SCAF11: variants seen among roughly 807,000 people sequenced by gnomAD.
SCAF11 encodes the protein SR-related CTD associated factor 11.
Under a neutral mutation model 140.5 loss-of-function variants are expected in SCAF11, and 47 were observed. The observed-to-expected ratio is 0.33, with a 90% CI of 0.26 to 0.43. The LOEUF is 0.43. Among genes scored for constraint, SCAF11 ranks in the 20% least tolerant of loss-of-function variants. The pLI is 1.00. For synonymous variants in SCAF11, 557 were observed against 579.4 expected, an observed-to-expected ratio of 0.96 and a Z score of 0.55; for missense variants, 1,645 against 1,705.1, an observed-to-expected ratio of 0.96 and a Z score of 0.62.
At chr12:45,922,646 CAAGA>C (rs1944742620) in intron 13 of SCAF11, 64 bp from the exon 14 acceptor site, 1 of 1,470,204 alleles carries the variant, frequency 6.8e-7, no homozygotes, top group African/African-American at 1.4e-5. Context: ...AAATCCCAAA[CAAGA>C]AATTGAAAAT....
intron 1 of SCAF11, chr12:45,974,481 A>G (rs189985030): frequency 7.3e-6 from 2 of 272,246 alleles, no homozygotes; most frequent in East Asian, 8.4e-5. Context: ...AAACTCTGCC[A>G]CTGTGTTATC....
intron 11 of SCAF11, among the ~76,000 whole-genome samples, chr12:45,925,428 G>A (rs1472264469): frequency 2.0e-5 from 3 of 152,028 alleles, no homozygotes; most frequent in African/African-American, 4.8e-5. Context: ...GGTGGTGAGC[G>A]CCTGTAATCC....
chr12:45,928,538 T>G lies in SCAF11; in HGVS notation c.1163A>C (p.Lys388Thr). The change falls in exon 11 of 15, where the codon AAG (lysine) becomes ACG (threonine). Residue 388 changes from lysine (K) to threonine (T), a missense_variant. Transcript: ENST00000369367. ...RRGRKPPLLK[K>T]KLRSSVAAPE... is the part of the protein sequence containing the mutation. ...GGCAGCTACAGAGCTCCGAAGTTTC[T>G]TTTTCAGTAAAGGTGGTTTTCTTCC... is the stretch of plus-strand genomic sequence containing the variant. 1.2e-6 allele frequency: 2 copies of G among 1,614,106 alleles called. No homozygotes were observed. The highest frequency in any genetic ancestry group is 1.7e-6 in the Non-Finnish European group (2 of 1,179,998).
Position 45,924,971 on chromosome 12 carries a change from T to C in SCAF11, c.3663A>G (p.Ala1221=). Residue 1221 remains alanine, a synonymous_variant, in exon 12 of 15, where the codon GCA becomes GCG. Coordinates refer to ENST00000369367, the MANE Select transcript of SCAF11 (RefSeq NM_004719.3). ...QMNVMQQQMN[A]QHQPMNIFPY... ...GGAAGATATTCATAGGCTGGTGTTG[T>C]GCATTCATTTGTTGCTGCATTACAT... 6.2e-7 allele frequency: 1 copy of C among 1,614,248 alleles called. No homozygotes were observed. Among genetic ancestry groups the C allele is most frequent in the Non-Finnish European group, 8.5e-7 (1 of 1,180,038 alleles).
At chr12:45,972,979 GATATATAGATATAGATATATAGATATAT>G (rs1946141790) in intron 1 of SCAF11, among the ~76,000 whole-genome samples, 2 of 128,360 alleles carry the variant, frequency 1.6e-5, no homozygotes, top group African/African-American at 7.3e-5. Flanking sequence ...TAGATATATA[GATATATAGATATAGATATATAGATATAT>G]ATATAGATAT....
At position 45,933,190 on chromosome 12, in the gene SCAF11, C is replaced by A; in HGVS notation, c.675G>T (p.Arg225Ser). The A allele has an allele frequency of 1.9e-6, 3 of 1,611,710 alleles. No individual in the cohort carries two copies. The highest frequency in any genetic ancestry group is 2.5e-6 in the Non-Finnish European group (3 of 1,178,976). ...IEASEISALI[R>S]QKRHELELSW... ...ACAATTCCAGTTCATGTCTCTTCTG[C>A]CTAATCAATGCACTGATTTCACTGG... The change falls in exon 9 of 15, where the codon AGG (arginine) becomes AGT (serine). Residue 225 changes from arginine (R) to serine (S), a missense_variant. By Grantham distance (110) the Arg-to-Ser change is moderately radical. Coordinates refer to ENST00000369367, the MANE Select transcript of SCAF11 (RefSeq NM_004719.3).
At chr12:45,948,387 T>C in intron 5 of SCAF11, 50 bp downstream of exon 5, 1 of 1,206,418 alleles carries the variant, frequency 8.3e-7, no homozygotes, top group Non-Finnish European at 1.2e-6. Context: ...TTGTACTAGT[T>C]AACTTCTGTT....
chr12:45,986,019 C>G (rs1438487440), intron 1 of SCAF11, among the ~76,000 whole-genome samples: 1 of 152,186 alleles, frequency 6.6e-6, no homozygotes, highest in Non-Finnish European at 1.5e-5. Flanking sequence ...ACGGTATTCT[C>G]TGGGAGCTCA....
At chr12:45,941,356 A>T (rs759213054) in intron 6 of SCAF11, among the ~76,000 whole-genome samples, 52 of 152,208 alleles carry the variant, frequency 3.4e-4, no homozygotes, top group Admixed American at 8.5e-4. Context: ...ACATTGTGAA[A>T]ATAATCACCA....
intron 1 of SCAF11, among the ~76,000 whole-genome samples, chr12:45,967,414 C>T (rs549174611): frequency 4.6e-5 from 7 of 152,192 alleles, no homozygotes; most frequent in South Asian, 2.1e-4. Flanking sequence ...GAGGCTGAGG[C>T]GGGAGGAGCG....
chr12:45,991,828 C>A, upstream of SCAF11: 48 of 1,226,172 alleles, frequency 3.9e-5, no homozygotes, highest in Non-Finnish European at 5.0e-5. Flanking sequence ...CCACCCACGC[C>A]CTTGTCCTGC....
chr12:45,966,817 ATAT>A (rs1350168469), intron 1 of SCAF11, among the ~76,000 whole-genome samples: 1 of 152,220 alleles, frequency 6.6e-6, no homozygotes, highest in Admixed American at 6.5e-5. Context: ...GCACTGCTGT[ATAT>A]TATTATTTTT....
At chr12:45,946,747 A>G (rs1294630349) in intron 5 of SCAF11, among the ~76,000 whole-genome samples, 1 of 152,214 alleles carries the variant, frequency 6.6e-6, no homozygotes, top group Admixed American at 6.5e-5. Flanking sequence ...TATGCCTGGG[A>G]AAAGTGTACT....
At chr12:45,946,387 T>C (rs1002582431) in intron 5 of SCAF11, among the ~76,000 whole-genome samples, 5 of 152,198 alleles carry the variant, frequency 3.3e-5, no homozygotes, top group Non-Finnish European at 7.3e-5. Flanking sequence ...AAAAAGAGTA[T>C]AATGTAAATA....
In SCAF11 at chr12:45,948,444, A is replaced by G; in HGVS notation, c.391T>C (p.Cys131Arg). 1 of 1,603,016 alleles carries G rather than the reference A, an allele frequency of 6.2e-7. No homozygotes were observed. Reference protein sequence around the residue: ...QVSCHENSKSCIRRKAIVRED... With the variant: ...QVSCHENSKSRIRRKAIVRED... The stretch of plus-strand genomic sequence containing the variant: ...CTAAAGTTAATCACTAACCTTATAC[A>G]GCTTTTAGAATTTTCATGACAGGAG... Residue 131 changes from cysteine to arginine, a missense_variant, in exon 5 of 15, where the codon TGT becomes CGT. Around this residue, in one of 2 missense-constraint regions of SCAF11, gnomAD observed 1,582 missense variants for 1,609.2 expected, o/e 0.98. Coordinates refer to ENST00000369367, the MANE Select transcript of SCAF11 (RefSeq NM_004719.3).
In SCAF11 at chr12:45,948,530, A is replaced by G. The variant is rs372694410; in HGVS notation, c.305T>C (p.Val102Ala). 5.9e-5 allele frequency: 94 copies of G among 1,604,052 alleles called. No homozygotes were observed. The highest frequency in any genetic ancestry group is 7.7e-5 in the Non-Finnish European group (90 of 1,174,368). Residue 102 changes from valine to alanine, a missense_variant, in exon 5 of 15, where the codon GTA becomes GCA. By Grantham distance (64) the Val-to-Ala change is moderately conservative. Coordinates refer to ENST00000369367, the MANE Select transcript of SCAF11 (RefSeq NM_004719.3). ...TTTTGTTTCTCTCAGCTGTTTTTTT[A>G]CTTGAACCTATGAGAAAAGCAAAAT... ...SALEGYVKVQ[V>A]KKQLRETKDK...
At chr12:45,953,072 G>A (rs1592196091) in intron 3 of SCAF11, among the ~76,000 whole-genome samples, 1 of 152,090 alleles carries the variant, frequency 6.6e-6, no homozygotes, top group East Asian at 1.9e-4. Flanking sequence ...GCTTCAATGG[G>A]AAAAAAGCTT....
chr12:45,985,689 AC>A (rs760537221), intron 1 of SCAF11, among the ~76,000 whole-genome samples: 11 of 152,262 alleles, frequency 7.2e-5, no homozygotes, highest in Non-Finnish European at 1.5e-4. Flanking sequence ...AGTGGCTGAC[AC>A]ATAGTAAATA....
chr12:45,971,076 G>C (rs1477508872), intron 1 of SCAF11, among the ~76,000 whole-genome samples: 1 of 152,120 alleles, frequency 6.6e-6, no homozygotes, highest in African/African-American at 2.4e-5. Flanking sequence ...ATTGAAAATA[G>C]GACAAGTTTT....
Sources: gnomAD v4.1 joint callset for allele counts (sites outside exome capture counted in the v4.1 genomes callset) on GRCh38, gnomAD v4.1.1 for gene constraint, gnomAD v4.1.1 regional missense constraint, MANE v1.5 for transcripts, NCBI Gene and HGNC (gene_info 2026-07-23, HGNC 2026-07-21) for gene names.